The following DHRSX variants were observed in gnomAD, a reference collection of about 807,000 sequenced individuals.
The protein encoded by DHRSX is polyprenol dehydrogenase.
Under a neutral mutation model 34.0 loss-of-function variants are expected in DHRSX, and 31 were observed. That is an observed-to-expected ratio of 0.91 (90% CI 0.69 to 1.23). DHRSX has a LOEUF of 1.23. Ranked by LOEUF, DHRSX falls within the 50% of genes most tolerant of loss-of-function variation. DHRSX has a pLI of 0.00. For missense variants in DHRSX, 414 were observed against 428.1 expected, an observed-to-expected ratio of 0.97 and a Z score of 0.29; for synonymous variants, 201 against 183.8, an observed-to-expected ratio of 1.09 and a Z score of -0.76.
rs2045408656 is a variant in DHRSX at position 2,500,800 on chromosome X, T to TGCCCC, written c.109+12_109+16dup. On this transcript the variant is annotated intron_variant, in intron 1 of 6. Coordinates refer to ENST00000334651, the MANE Select transcript of DHRSX (RefSeq NM_145177.3). ...CCCGGGTCCCCGGAGCCCTGACCCC[T>TGCCCC]GCCCCGCCCCGCTGACCTGGCTCCA... The TGCCCC allele has an allele frequency of 1.1e-6, 1 of 897,536 alleles. No individual in the cohort carries two copies. The highest frequency in any genetic ancestry group is 5.0e-5 in the South Asian group (1 of 20,020). 55.6% of individuals were successfully genotyped at this position (897,536 alleles called of 1,614,324 possible). A position where few individuals can be genotyped will look rare whatever the true frequency, so the allele number is the denominator to read the frequency against.
chrX:2,457,100 G>A (rs1462804524), intron 1 of DHRSX, among the ~76,000 whole-genome samples: 3 of 152,100 alleles, frequency 2.0e-5, no homozygotes, highest in Non-Finnish European at 4.4e-5. Context: ...ACCCAATGAA[G>A]AAATAAAAGC....
At chrX:2,282,945 G>GGA (rs1210165803) in intron 4 of DHRSX, among the ~76,000 whole-genome samples, 4 of 151,362 alleles carry the variant, frequency 2.6e-5, no homozygotes, top group Non-Finnish European at 5.9e-5. Flanking sequence ...GGTAGACTGA[G>GGA]GAGAGAGAGA....
At chrX:2,418,956 C>T (rs1160058292) in intron 2 of DHRSX, among the ~76,000 whole-genome samples, 1 of 152,096 alleles carries the variant, frequency 6.6e-6, no homozygotes, top group African/African-American at 2.4e-5. Context: ...CTAATTTACT[C>T]AGGTCCCAGG....
intron 1 of DHRSX, among the ~76,000 whole-genome samples, chrX:2,446,466 T>G (rs1931072777): frequency 8.2e-6 from 1 of 121,394 alleles, no homozygotes; most frequent in Non-Finnish European, 1.8e-5. Flanking sequence ...GAAGACGGTC[T>G]CGAGGCTTGT....
intron 3 of DHRSX, among the ~76,000 whole-genome samples, chrX:2,323,913 T>C (rs2042343623): frequency 6.6e-6 from 1 of 152,002 alleles, no homozygotes; most frequent in Non-Finnish European, 1.5e-5. Flanking sequence ...AAAAATTAGC[T>C]GGGTGTGGTG....
chrX:2,373,517 G>A (rs2043104277), intron 3 of DHRSX, among the ~76,000 whole-genome samples: 1 of 152,156 alleles, frequency 6.6e-6, no homozygotes, highest in South Asian at 2.1e-4. Flanking sequence ...CAGCTCTAAT[G>A]CTTTCCAAGC....
chrX:2,399,725 CAA>C (rs779558142), intron 3 of DHRSX, among the ~76,000 whole-genome samples: 2 of 35,220 alleles, frequency 5.7e-5, no homozygotes, highest in Non-Finnish European at 4.8e-5. Context: ...AAACAAAAAG[CAA>C]AAAAAAAAAA....
chrX:2,272,962 G>T (rs986587546), intron 4 of DHRSX, among the ~76,000 whole-genome samples: 5 of 152,194 alleles, frequency 3.3e-5, no homozygotes, highest in African/African-American at 9.7e-5. Context: ...CAAAGGAAAA[G>T]AAGTCCTTAT....
chrX:2,412,860 A>G (rs1373891490), intron 2 of DHRSX, among the ~76,000 whole-genome samples: 1 of 152,172 alleles, frequency 6.6e-6, no homozygotes, highest in Non-Finnish European at 1.5e-5. Context: ...GATCTCACCC[A>G]TATGTAGAGT....
intron 1 of DHRSX, among the ~76,000 whole-genome samples, chrX:2,463,555 G>A (rs1056120095): frequency 6.6e-6 from 1 of 152,046 alleles, no homozygotes; most frequent in Non-Finnish European, 1.5e-5. Flanking sequence ...TGGGGGTGGG[G>A]AGCTGCAATT....
chrX:2,330,093 GGA>G (rs2042441516), intron 3 of DHRSX, among the ~76,000 whole-genome samples: 1 of 10,580 alleles, frequency 9.5e-5, no homozygotes, highest in African/African-American at 2.2e-4. Flanking sequence ...GGGGGGGGGG[GGA>G]GGGAGGGAGA....
At chrX:2,484,825 A>T (rs1284569216) in intron 1 of DHRSX, among the ~76,000 whole-genome samples, 1 of 152,074 alleles carries the variant, frequency 6.6e-6, no homozygotes, top group Non-Finnish European at 1.5e-5. Context: ...CAAAAGCAGG[A>T]GCTGGCTGCG....
intron 1 of DHRSX, among the ~76,000 whole-genome samples, chrX:2,477,505 A>G (rs1248459404): frequency 6.6e-6 from 1 of 152,322 alleles, no homozygotes; most frequent in East Asian, 1.9e-4. Context: ...CTCATTTGTC[A>G]CAGGTGGAAA....
At chrX:2,484,723 G>A (rs1412098120) in intron 1 of DHRSX, among the ~76,000 whole-genome samples, 2 of 152,056 alleles carry the variant, frequency 1.3e-5, no homozygotes, top group Non-Finnish European at 2.9e-5. Flanking sequence ...GAAAGGACGG[G>A]GCGGCGGGCC....
intron 3 of DHRSX, among the ~76,000 whole-genome samples, chrX:2,305,433 G>A (rs745881180): frequency 4.6e-5 from 7 of 151,868 alleles, no homozygotes; most frequent in Non-Finnish European, 5.9e-5. Flanking sequence ...ACACTGTGGC[G>A]ATTCCTCAAG....
intron 3 of DHRSX, among the ~76,000 whole-genome samples, chrX:2,360,743 G>A (rs1246655562): frequency 6.6e-6 from 1 of 152,010 alleles, no homozygotes; most frequent in Non-Finnish European, 1.5e-5. Flanking sequence ...TGCTCTCTTG[G>A]TGGAGTTGGT....
At chrX:2,258,997 G>A (rs751533021) in intron 5 of DHRSX, among the ~76,000 whole-genome samples, 19 of 152,276 alleles carry the variant, frequency 1.2e-4, no homozygotes, top group African/African-American at 4.1e-4. Context: ...GGAAGTGGCC[G>A]GGCGCAGTGG....
intron 3 of DHRSX, among the ~76,000 whole-genome samples, chrX:2,404,624 A>T (rs1200882601): frequency 2.6e-5 from 4 of 152,122 alleles, no homozygotes; most frequent in Non-Finnish European, 5.9e-5. Flanking sequence ...AATAATCTCA[A>T]ATCATAAAAC....
rs372138159 is a variant in DHRSX, at chrX:2,411,752, C to A, written c.218-2939G>T. The stretch of plus-strand genomic sequence containing the variant: ...AAAAAGAAAACAAAACAAAACAAAA[C>A]AAAAAAAAACAAAGGGAAACATGCC... On this transcript the variant is annotated intron_variant, in intron 2 of 6. Coordinates refer to ENST00000334651, the MANE Select transcript of DHRSX (RefSeq NM_145177.3). Among the ~76,000 whole-genome samples the A allele has an allele frequency of 2.1e-3, 317 of 149,858 alleles. 3 individuals carry two copies. The highest frequency in any genetic ancestry group is 6.3e-3 in the African/African-American group (256 of 40,808).
Sources: allele counts gnomAD v4.1 joint callset (sites outside exome capture counted in the v4.1 genomes callset), GRCh38; gene constraint gnomAD v4.1.1; transcripts MANE v1.5; gene names NCBI Gene and HGNC (gene_info 2026-07-23, HGNC 2026-07-21).